Variants in PPARGC1B observed in about 807,000 individuals in gnomAD.
The protein encoded by PPARGC1B is PPARG coactivator 1 beta.
In PPARGC1B, 34 loss-of-function variants were observed where a neutral mutation model predicts 101.6. The ratio of observed to expected loss-of-function variants is 0.33; its 90% CI spans 0.25 to 0.45. The LOEUF is 0.45. Among genes scored for constraint, PPARGC1B ranks in the 20% least tolerant of loss-of-function variants. The pLI is 1.00. For missense variants in PPARGC1B, 1,234 were observed against 1,317.6 expected, an observed-to-expected ratio of 0.94 and a Z score of 0.98; for synonymous variants, 548 against 539.3, an observed-to-expected ratio of 1.02 and a Z score of -0.22.
At position 149,730,437 on chromosome 5, in the gene PPARGC1B, C is replaced by A; in HGVS notation, c.78+17C>A. 3 of 1,535,258 alleles carry A rather than the reference C, an allele frequency of 2.0e-6. No homozygotes were observed. The highest frequency in any genetic ancestry group is 1.8e-6 in the Non-Finnish European group (2 of 1,142,154). On this transcript the variant is annotated intron_variant, in intron 1 of 11. Coordinates refer to ENST00000309241, the MANE Select transcript of PPARGC1B (RefSeq NM_133263.4). The surrounding 1 kb of genome is among the most constrained non-coding windows in gnomAD (Gnocchi z 4.0). ...GACACGCAGGTACGGCCGGCTGGGG[C>A]TGCGGGCCCGGGGCCAGGGGTGCTG...
At chr5:149,757,728 T>C (rs1755587867) in intron 1 of PPARGC1B, among the ~76,000 whole-genome samples, 1 of 152,152 alleles carries the variant, frequency 6.6e-6, no homozygotes, top group Admixed American at 6.5e-5. Flanking sequence ...CTGGGTTGCT[T>C]AATGAAAGAG....
chr5:149,751,157 A>C (rs1303888393), intron 1 of PPARGC1B, among the ~76,000 whole-genome samples: 2 of 152,166 alleles, frequency 1.3e-5, no homozygotes, highest in Admixed American at 1.3e-4. Flanking sequence ...AATATTTAAA[A>C]ATTTTCAGTA....
At chr5:149,807,412 C>T (rs1263547125) in intron 1 of PPARGC1B, among the ~76,000 whole-genome samples, 1 of 152,042 alleles carries the variant, frequency 6.6e-6, no homozygotes, top group Non-Finnish European at 1.5e-5. Context: ...TGTCAGTGGT[C>T]GCCCCTTCAG....
At chr5:149,786,156 G>A (rs893120542) in intron 1 of PPARGC1B, among the ~76,000 whole-genome samples, 12 of 151,658 alleles carry the variant, frequency 7.9e-5, no homozygotes, top group African/African-American at 2.2e-4. Context: ...CCAGTGGCTC[G>A]ATCTCCGCTC....
intron 1 of PPARGC1B, among the ~76,000 whole-genome samples, chr5:149,758,912 T>C (rs1755626137): frequency 1.3e-5 from 2 of 152,244 alleles, no homozygotes; most frequent in African/African-American, 2.4e-5. Flanking sequence ...TCATATCTTT[T>C]CCTGCTTTGT....
At chr5:149,806,510 AT>A (rs1275089066) in intron 1 of PPARGC1B, among the ~76,000 whole-genome samples, 2 of 152,076 alleles carry the variant, frequency 1.3e-5, no homozygotes, top group Non-Finnish European at 2.9e-5. Flanking sequence ...AGGGCAGGAG[AT>A]GCGGAAATAG....
intron 1 of PPARGC1B, among the ~76,000 whole-genome samples, chr5:149,763,910 A>G (rs1441102347): frequency 6.6e-6 from 1 of 151,926 alleles, no homozygotes; most frequent in Non-Finnish European, 1.5e-5. Flanking sequence ...CAGCCTTCCA[A>G]GTAGCTGGGA....
intron 1 of PPARGC1B, among the ~76,000 whole-genome samples, chr5:149,774,832 C>G (rs1367111991): frequency 6.6e-6 from 1 of 152,104 alleles, no homozygotes; most frequent in African/African-American, 2.4e-5. Context: ...AGGATCCACT[C>G]ATGGGAGTCA....
At chr5:149,787,066 T>C (rs1404572647) in intron 1 of PPARGC1B, among the ~76,000 whole-genome samples, 1 of 152,228 alleles carries the variant, frequency 6.6e-6, no homozygotes, top group Admixed American at 6.5e-5. Context: ...TGCTTTCCTC[T>C]GTGAGAGCTC....
intron 1 of PPARGC1B, among the ~76,000 whole-genome samples, chr5:149,795,805 CT>C (rs201903889): frequency 1.3e-5 from 2 of 150,464 alleles, no homozygotes; most frequent in East Asian, 1.9e-4. Flanking sequence ...GGATGATTAT[CT>C]TTTTTTTTCA....
At chr5:149,771,832 T>C (rs1323994881) in intron 1 of PPARGC1B, 5 of 381,700 alleles carry the variant, frequency 1.3e-5, no homozygotes, top group South Asian at 7.4e-5. Flanking sequence ...AGGCTCTGAG[T>C]TGTAGCATTT....
chr5:149,731,896 A>G (rs1754491430), intron 1 of PPARGC1B, among the ~76,000 whole-genome samples: 2 of 152,034 alleles, frequency 1.3e-5, no homozygotes, highest in Admixed American at 6.5e-5. Flanking sequence ...GGCCCGCTGC[A>G]GACGCCGCTG....
rs759508378 is a variant in PPARGC1B at position 149,836,320 on chromosome 5, C to T, written c.1865C>T (p.Pro622Leu). 7 of 1,612,860 alleles carry T rather than the reference C, an allele frequency of 4.3e-6. No homozygotes were observed. In the South Asian group the frequency reaches 7.7e-5, roughly 18 times the overall value. Residue 622 changes from proline to leucine, a missense_variant, in exon 8 of 12, where the codon CCA (proline) becomes CTA (leucine). Coordinates refer to ENST00000309241, the MANE Select transcript of PPARGC1B (RefSeq NM_133263.4). ...CCCACAGAGGAGGATCCCTTCAAAC[C>T]AGACATCAAGCATAGTCTAGGCAAA... ...YKPTEEDPFK[P>L]DIKHSLGKEI...
At chr5:149,829,467 C>T (rs1254624284) in intron 3 of PPARGC1B, among the ~76,000 whole-genome samples, 1 of 152,012 alleles carries the variant, frequency 6.6e-6, no homozygotes, top group Non-Finnish European at 1.5e-5. Context: ...TGGCTCCTGG[C>T]CTTTGGCATT....
intron 1 of PPARGC1B, among the ~76,000 whole-genome samples, chr5:149,775,018 C>G (rs1756299773): frequency 6.6e-6 from 1 of 152,156 alleles, no homozygotes; most frequent in Non-Finnish European, 1.5e-5. Context: ...GAAACTGGTT[C>G]CACAATTCCA....
intron 1 of PPARGC1B, among the ~76,000 whole-genome samples, chr5:149,775,539 C>A (rs1024004216): frequency 7.9e-5 from 12 of 152,214 alleles, no homozygotes; most frequent in Admixed American, 1.3e-4. Flanking sequence ...AGTCTCCACA[C>A]TCTTACCCCT....
At chr5:149,782,519 C>A (rs10476920) in intron 1 of PPARGC1B, among the ~76,000 whole-genome samples, 33,037 of 152,068 alleles carry the variant, frequency 0.22, 3,947 homozygotes, top group East Asian at 0.37. Context: ...TGGGCCTGGA[C>A]GGCTGACAGA....
intron 1 of PPARGC1B, among the ~76,000 whole-genome samples, chr5:149,816,076 C>T (rs955607819): frequency 1.3e-5 from 2 of 152,204 alleles, no homozygotes; most frequent in Non-Finnish European, 2.9e-5. Context: ...TAATTCAGAC[C>T]TTTCAAAAAG....
intron 1 of PPARGC1B, among the ~76,000 whole-genome samples, chr5:149,751,369 T>C (rs1244540887): frequency 6.6e-6 from 1 of 152,218 alleles, no homozygotes; most frequent in Non-Finnish European, 1.5e-5. Flanking sequence ...TGCATTAATT[T>C]ATTGAAATGT....
Sources: gnomAD v4.1 joint callset for allele counts (sites outside exome capture counted in the v4.1 genomes callset) on GRCh38, gnomAD v4.1.1 for gene constraint, Gnocchi (gnomAD v3.1) non-coding constraint, MANE v1.5 for transcripts, NCBI Gene and HGNC (gene_info 2026-07-23, HGNC 2026-07-21) for gene names.